Variants in SMARCA4 observed in about 807,000 individuals in gnomAD.
The protein encoded by SMARCA4 is SWI/SNF related BAF chromatin remodeling complex subunit ATPase 4.
SMARCA4 carries 31 observed loss-of-function variants against 193.9 expected under a neutral mutation model. That is an observed-to-expected ratio of 0.16 (90% CI 0.12 to 0.22). SMARCA4 has a LOEUF of 0.22. Among genes scored for constraint, SMARCA4 ranks in the 10% least tolerant of loss-of-function variants. SMARCA4 has a pLI of 1.00. For missense variants in SMARCA4, 1,148 were observed against 2,296.0 expected, an observed-to-expected ratio of 0.50 and a Z score of 10.22; for synonymous variants, 942 against 933.1, an observed-to-expected ratio of 1.01 and a Z score of -0.17.
intron 30 of SMARCA4, among the ~76,000 whole-genome samples, chr19:11,053,161 G>A (rs1338042359): frequency 6.6e-6 from 1 of 152,044 alleles, no homozygotes; most frequent in African/African-American, 2.4e-5. Flanking sequence ...AGCACTTTGG[G>A]AGGCCGAGGC....
At chr19:11,043,015 A>T (rs2075705596) in intron 30 of SMARCA4, among the ~76,000 whole-genome samples, 1 of 151,372 alleles carries the variant, frequency 6.6e-6, no homozygotes, top group Admixed American at 6.6e-5. Flanking sequence ...TTTTAGCCAG[A>T]TGCGGTGGCT....
Position 10,986,101 on chromosome 19 carries a change from C to A in SMARCA4, c.356-88C>A. ...GATGCCATTTGGCTGTGCCCTGTCT[C>A]AGAGTAGGAGCTGGTGTAGGGGGAA... On this transcript the variant is annotated intron_variant, in intron 3 of 34. Coordinates refer to ENST00000344626, the MANE Select transcript of SMARCA4 (RefSeq NM_003072.5). This position sits in a 1 kb window ranked among gnomAD's most constrained non-coding sequence, Gnocchi z 6.7. 8.6e-7 allele frequency: 1 copy of A among 1,160,922 alleles called. No individual in the cohort carries two copies. Among genetic ancestry groups the A allele is most frequent in the Non-Finnish European group, 1.3e-6 (1 of 775,462 alleles). 71.9% of individuals were successfully genotyped at this position (1,160,922 alleles called of 1,614,324 possible).
At chr19:10,968,805 A>G (rs917705094) in intron 1 of SMARCA4, among the ~76,000 whole-genome samples, 6 of 152,180 alleles carry the variant, frequency 3.9e-5, no homozygotes, top group African/African-American at 1.4e-4. Context: ...CGAAAGTCCC[A>G]GTAAAGGGGC....
At chr19:11,021,633 T>C (rs758695413) in intron 18 of SMARCA4, 92 bp from the exon 19 acceptor site, 1 of 1,498,164 alleles carries the variant, frequency 6.7e-7, no homozygotes, top group Non-Finnish European at 9.0e-7. Flanking sequence ...ACCTGGAGCC[T>C]TCCTGGCTGC....
chr19:10,991,924 C>A (rs1409503298), intron 8 of SMARCA4, among the ~76,000 whole-genome samples: 2 of 152,066 alleles, frequency 1.3e-5, no homozygotes. Flanking sequence ...AGTGCAGGGA[C>A]TGATCTGACT....
chr19:11,056,248 GTTC>G (rs1166783611), intron 30 of SMARCA4: 1 of 152,244 alleles, frequency 6.6e-6, no homozygotes, highest in Non-Finnish European at 1.5e-5. Flanking sequence ...TCCACTGTGT[GTTC>G]TTATTTTCTG....
chr19:11,024,305 T>C lies in SMARCA4; in HGVS notation c.2974-26T>C, dbSNP rs769089287. ...TCAGGCCTCAAGCCACCTTGGGCCCTCGTGAGCATTATGTGTCCCCTGCAG... is the reference window on the plus strand; with the variant it reads ...TCAGGCCTCAAGCCACCTTGGGCCCCCGTGAGCATTATGTGTCCCCTGCAG... On this transcript the variant is annotated intron_variant, in intron 20 of 34. Transcript: ENST00000344626. 9.0e-6 allele frequency: 14 copies of C among 1,549,418 alleles called. No individual in the cohort carries two copies. In the South Asian group the frequency reaches 1.2e-4, roughly 14 times the overall value.
At chr19:10,967,814 A>G (rs1460806206) in intron 1 of SMARCA4, among the ~76,000 whole-genome samples, 3 of 149,740 alleles carry the variant, frequency 2.0e-5, no homozygotes, top group East Asian at 3.9e-4. Context: ...CCTCCTGAGT[A>G]GCTGGGATTA....
At position 11,008,031 on chromosome 19, in the gene SMARCA4, G is replaced by T; in HGVS notation, c.2123+8G>T. The T allele has an allele frequency of 6.2e-7, 1 of 1,612,116 alleles. No individual in the cohort carries two copies. Among genetic ancestry groups the T allele is most frequent in the Non-Finnish European group, 8.5e-7 (1 of 1,178,926 alleles). On this transcript the variant is annotated splice_region_variant and intron_variant, in intron 14 of 34. Coordinates refer to ENST00000344626, the MANE Select transcript of SMARCA4 (RefSeq NM_003072.5). ...CGCGCGGCACATCATTGAGTAAGGG[G>T]TCCCGACACAGGTTGTTCTGTGCCA... is the stretch of plus-strand genomic sequence containing the variant.
Position 11,034,192 on chromosome 19 carries a change from C to T in SMARCA4, c.3943C>T (p.Leu1315=), listed in dbSNP as rs1555785043. 1 of 1,613,368 alleles carries T rather than the reference C, an allele frequency of 6.2e-7. No homozygotes were observed. The highest frequency in any genetic ancestry group is 1.1e-5 in the South Asian group (1 of 91,070). Residue 1315 remains leucine, a synonymous_variant, in exon 28 of 35, where the codon CTG becomes TTG. Transcript: ENST00000344626. This position sits in a 1 kb window ranked among gnomAD's most constrained non-coding sequence, Gnocchi z 7.0. ...CGCCCGGCACGAGGAGGAGTTTGAT[C>T]TGTTCATGGTAAGCGCTGCAGGCTG... ...MIARHEEEFD[L]FMRMDLDRRR... is the part of the protein sequence containing the mutation.
intron 6 of SMARCA4, among the ~76,000 whole-genome samples, chr19:10,988,223 C>A (rs1271424103): frequency 1.3e-5 from 2 of 152,058 alleles, no homozygotes; most frequent in Admixed American, 6.6e-5. Context: ...TGGCTTCAAG[C>A]GATTCTTCTG....
At chr19:10,998,587 G>A (rs1327169682) in intron 11 of SMARCA4, among the ~76,000 whole-genome samples, 2 of 149,612 alleles carry the variant, frequency 1.3e-5, no homozygotes, top group Non-Finnish European at 3.0e-5. Context: ...TTTCTGCATT[G>A]ATTTGTTTGT....
chr19:11,028,270 A>G (rs1205202329), intron 24 of SMARCA4, among the ~76,000 whole-genome samples: 1 of 152,228 alleles, frequency 6.6e-6, no homozygotes, highest in Non-Finnish European at 1.5e-5. Context: ...GAAAGAAAGC[A>G]CCAATAGGCT....
At chr19:10,967,173 C>T (rs892752458) in intron 1 of SMARCA4, among the ~76,000 whole-genome samples, 5 of 152,166 alleles carry the variant, frequency 3.3e-5, no homozygotes, top group Admixed American at 1.3e-4. Context: ...AACTCTTCTT[C>T]ATATATGGGA....
chr19:11,040,057 G>GT (rs1201588411), intron 29 of SMARCA4: 1 of 152,262 alleles, frequency 6.6e-6, no homozygotes. Flanking sequence ...CTCCAGCCTG[G>GT]TGACAGAGCG....
In SMARCA4 at chr19:10,968,054, T is replaced by C. The variant is rs193289528; in HGVS notation, c.-32+6880T>C. ...ACCATGCCCTGCGGGGGTTTCACCA[T>C]GTTAGCCAGGATGGTCTTGATCTCC... On this transcript the variant is annotated intron_variant, in intron 1 of 34. Coordinates refer to ENST00000344626, the MANE Select transcript of SMARCA4 (RefSeq NM_003072.5). Among the ~76,000 whole-genome samples, 8 of 151,668 alleles carry C rather than the reference T, an allele frequency of 5.3e-5. No homozygotes were observed. The East Asian group carries it at 1.6e-3, about 30-fold the overall frequency.
rs1394867973 is a variant in SMARCA4, at chr19:11,034,989, C to T, written c.4027C>T (p.Leu1343Phe). Reference sequence around the variant, plus strand: ...GCCGCGCCTCATGGAGGAGGACGAGCTCCCCTCGTGGATCATCAAGGACGA... The same window carrying T: ...GCCGCGCCTCATGGAGGAGGACGAGTTCCCCTCGTGGATCATCAAGGACGA... Reference protein sequence around the residue: ...RKPRLMEEDELPSWIIKDDAE... With the variant: ...RKPRLMEEDEFPSWIIKDDAE... The change falls in exon 29 of 35, where the codon CTC becomes TTC. Residue 1343 changes from leucine (L) to phenylalanine (F), a missense_variant. Transcript: ENST00000344626. This position sits in a 1 kb window ranked among gnomAD's most constrained non-coding sequence, Gnocchi z 7.0. 6.2e-7 allele frequency: 1 copy of T among 1,609,126 alleles called. No homozygotes were observed. The highest frequency in any genetic ancestry group is 8.5e-7 in the Non-Finnish European group (1 of 1,178,368).
chr19:10,987,813 C>T lies in SMARCA4; in HGVS notation c.1007C>T (p.Pro336Leu), dbSNP rs765058736. Residue 336 changes from proline to leucine, a missense_variant, in exon 6 of 35, where the codon CCG becomes CTG. Transcript: ENST00000344626. This position sits in a 1 kb window ranked among gnomAD's most constrained non-coding sequence, Gnocchi z 5.3. ...MPPQTQSPGQ[P>L]AQPAPMVPLH... ...CCGCAGACCCAGTCCCCCGGGCAGC[C>T]GGCCCAGCCCGCGCCCATGGTGCCA... The T allele has an allele frequency of 2.9e-5, 47 of 1,604,936 alleles. No homozygotes were observed. Among genetic ancestry groups the T allele is most frequent in the Non-Finnish European group, 3.8e-5 (45 of 1,176,566 alleles).
At chr19:11,012,908 C>T (rs1372018752) in intron 15 of SMARCA4, 41 bp from the exon 16 acceptor site, 1 of 1,609,806 alleles carries the variant, frequency 6.2e-7, no homozygotes, top group African/African-American at 1.3e-5. Flanking sequence ...TGGTGTCCGA[C>T]CCGGCCTTCA....
Sources: gnomAD v4.1 joint callset for allele counts (sites outside exome capture counted in the v4.1 genomes callset) on GRCh38, gnomAD v4.1.1 for gene constraint, Gnocchi (gnomAD v3.1) non-coding constraint, MANE v1.5 for transcripts, NCBI Gene and HGNC (gene_info 2026-07-23, HGNC 2026-07-21) for gene names.